The following KCNQ1 variants were observed in gnomAD, a reference collection of about 807,000 sequenced individuals.
KCNQ1 encodes the protein potassium voltage-gated channel subfamily Q member 1.
In KCNQ1, 49 loss-of-function variants were observed where a neutral mutation model predicts 72.4. The ratio of observed to expected loss-of-function variants is 0.68; its 90% CI spans 0.54 to 0.86. The LOEUF is 0.86. Ranked by LOEUF, KCNQ1 falls within the 40% of genes least tolerant of loss-of-function variation. The pLI is 0.00. For missense variants in KCNQ1, 790 were observed against 945.1 expected (o/e 0.84, Z 2.15); for synonymous variants, 450 against 412.6 (o/e 1.09, Z -1.10).
rs1015220373 is a variant in KCNQ1 at position 2,748,196 on chromosome 11, C to T, written c.1515-20648C>T. Among the ~76,000 whole-genome samples the T allele has an allele frequency of 1.3e-5, 2 of 152,164 alleles. No individual in the cohort carries two copies. The highest frequency in any genetic ancestry group is 1.9e-4 in the East Asian group (1 of 5,190). On this transcript the variant is annotated intron_variant, in intron 11 of 15. Transcript: ENST00000155840. This position sits in a 1 kb window ranked among gnomAD's most constrained non-coding sequence, Gnocchi z 6.2. ...ACCCCTACACAGACCCCCAGCTCTG[C>T]AGTCAGCCCTGTCTCCTTGTGTCCC...
chr11:2,829,333 A>T (rs570409761), intron 15 of KCNQ1, among the ~76,000 whole-genome samples: 1 of 152,224 alleles, frequency 6.6e-6, no homozygotes, highest in East Asian at 1.9e-4. Context: ...AATGAAGGTG[A>T]TAGACTGCCA....
At chr11:2,714,744 G>A (rs1053826227) in intron 11 of KCNQ1, among the ~76,000 whole-genome samples, 2 of 152,166 alleles carry the variant, frequency 1.3e-5, no homozygotes, top group Non-Finnish European at 2.9e-5. Flanking sequence ...GGCCGGGGTG[G>A]TAGGGGTAGG....
Position 2,642,574 on chromosome 11 carries a change from A to G in KCNQ1, c.1394-19387A>G. The G allele has an allele frequency of 2.5e-6, 1 of 397,610 alleles. No homozygotes were observed. The highest frequency in any genetic ancestry group is 4.4e-6 in the Non-Finnish European group (1 of 225,628). The allele number at this position is 397,610 out of a possible 1,614,324, so 24.6% of individuals were successfully genotyped here. On this transcript the variant is annotated intron_variant, in intron 10 of 15. Coordinates refer to ENST00000155840, the MANE Select transcript of KCNQ1 (RefSeq NM_000218.3). The surrounding 1 kb of genome is among the most constrained non-coding windows in gnomAD (Gnocchi z 4.3). Reference sequence around the variant, plus strand: ...TAGGTCTTCTCTCTTTTCTTCTTGGATAGTTTAGCCACTGGTTATTTTGTT... The same window carrying G: ...TAGGTCTTCTCTCTTTTCTTCTTGGGTAGTTTAGCCACTGGTTATTTTGTT...
chr11:2,565,353 G>A lies in KCNQ1; in HGVS notation c.478-5275G>A, dbSNP rs1278898327. 6.6e-6 allele frequency among the ~76,000 whole-genome samples: 1 copy of A among 152,132 alleles called. No homozygotes were observed. Among genetic ancestry groups the A allele is most frequent in the African/African-American group, 2.4e-5 (1 of 41,414 alleles). ...TGGCATCTCGTTGTGGTCTTGATTTGCATTTCCCTGATGATTAGTGACACT... is the reference window on the plus strand; with the variant it reads ...TGGCATCTCGTTGTGGTCTTGATTTACATTTCCCTGATGATTAGTGACACT... On this transcript the variant is annotated intron_variant, in intron 2 of 15. Coordinates refer to ENST00000155840, the MANE Select transcript of KCNQ1 (RefSeq NM_000218.3). This position sits in a 1 kb window ranked among gnomAD's most constrained non-coding sequence, Gnocchi z 5.6.
At chr11:2,561,726 C>T (rs1006592148) in intron 2 of KCNQ1, among the ~76,000 whole-genome samples, 5 of 152,232 alleles carry the variant, frequency 3.3e-5, no homozygotes, top group African/African-American at 7.2e-5. Context: ...CTCAGGGGGC[C>T]TGGCCAAGGT....
chr11:2,703,805 C>G lies in KCNQ1; in HGVS notation c.1514+41724C>G, dbSNP rs937446820. Among the ~76,000 whole-genome samples the G allele has an allele frequency of 3.9e-5, 6 of 152,212 alleles. No individual in the cohort carries two copies. The highest frequency in any genetic ancestry group is 8.8e-5 in the Non-Finnish European group (6 of 68,034). Reference sequence around the variant, plus strand: ...CTGTGGGCCTCAATTCTCTCCCTACCCTGCCCCCACCCTCGGAGTCTAAGG... The same window carrying G: ...CTGTGGGCCTCAATTCTCTCCCTACGCTGCCCCCACCCTCGGAGTCTAAGG... On this transcript the variant is annotated intron_variant, in intron 11 of 15. Coordinates refer to ENST00000155840, the MANE Select transcript of KCNQ1 (RefSeq NM_000218.3). This position sits in a 1 kb window ranked among gnomAD's most constrained non-coding sequence, Gnocchi z 6.4.
chr11:2,667,941 A>G (rs1276423465), intron 11 of KCNQ1: 9 of 398,616 alleles, frequency 2.3e-5, no homozygotes, highest in African/African-American at 4.1e-5. Flanking sequence ...ACCCGGAGGA[A>G]GCAACAGAAC....
In KCNQ1 at chr11:2,473,981, A is replaced by T. The variant is rs931383264; in HGVS notation, c.386+28497A>T. 2.6e-5 allele frequency among the ~76,000 whole-genome samples: 4 copies of T among 152,190 alleles called. No homozygotes were observed. Among genetic ancestry groups the T allele is most frequent in the African/African-American group, 9.6e-5 (4 of 41,458 alleles). On this transcript the variant is annotated intron_variant, in intron 1 of 15. Coordinates refer to ENST00000155840, the MANE Select transcript of KCNQ1 (RefSeq NM_000218.3). This position sits in a 1 kb window ranked among gnomAD's most constrained non-coding sequence, Gnocchi z 6.0. ...AACGGGGCACTGCAGGGCCCTTGGG[A>T]GGGAGGTAAGCGGGCAGCCGGGCCA...
At chr11:2,834,681 G>A (rs1437194766) in intron 15 of KCNQ1, among the ~76,000 whole-genome samples, 1 of 152,210 alleles carries the variant, frequency 6.6e-6, no homozygotes, top group East Asian at 1.9e-4. Flanking sequence ...CCCGCCAGGT[G>A]AAGGAACAAG....
chr11:2,585,157 C>A, intron 7 of KCNQ1, 55 bp from the exon 8 acceptor site: 1 of 1,482,788 alleles, frequency 6.7e-7, no homozygotes, highest in Non-Finnish European at 9.4e-7. Flanking sequence ...CCTGAGGCTG[C>A]ACCCAGCTGG....
At position 2,664,325 on chromosome 11, in the gene KCNQ1, G is replaced by A. The variant is rs929255493; in HGVS notation, c.1514+2244G>A. Reference sequence around the variant, plus strand: ...GTGTTCTGGTCAGGGAAGACTCAGGGCTGAGGCTTCAGGGGAGCTGGGTTC... The same window carrying A: ...GTGTTCTGGTCAGGGAAGACTCAGGACTGAGGCTTCAGGGGAGCTGGGTTC... On this transcript the variant is annotated intron_variant, in intron 11 of 15. Coordinates refer to ENST00000155840, the MANE Select transcript of KCNQ1 (RefSeq NM_000218.3). This position sits in a 1 kb window ranked among gnomAD's most constrained non-coding sequence, Gnocchi z 5.1. 3 of 398,804 alleles carry A rather than the reference G, an allele frequency of 7.5e-6. No individual in the cohort carries two copies. The highest frequency in any genetic ancestry group is 4.1e-5 in the African/African-American group (2 of 48,638). The allele number at this position is 398,804 out of a possible 1,614,324, so 24.7% of individuals were successfully genotyped here. A position where few individuals can be genotyped will look rare whatever the true frequency, so the allele number is the denominator to read the frequency against.
At chr11:2,490,321 C>G (rs1342720004) in intron 1 of KCNQ1, among the ~76,000 whole-genome samples, 1 of 152,258 alleles carries the variant, frequency 6.6e-6, no homozygotes, top group Non-Finnish European at 1.5e-5. Flanking sequence ...TGGATGGCAT[C>G]TCTGGACCCA....
rs1186479255 is a variant in KCNQ1, at chr11:2,827,682, T to A, written c.1795-20085T>A. Among the ~76,000 whole-genome samples, 3 of 151,384 alleles carry A rather than the reference T, an allele frequency of 2.0e-5. No homozygotes were observed. Among genetic ancestry groups the A allele is most frequent in the Non-Finnish European group, 4.4e-5 (3 of 67,904 alleles). ...AGCGGCTATGGAGACAAGTGGCTGTTTTGCCAGAGGGAAAATTCCACATGT... is the reference window on the plus strand; with the variant it reads ...AGCGGCTATGGAGACAAGTGGCTGTATTGCCAGAGGGAAAATTCCACATGT... On this transcript the variant is annotated intron_variant, in intron 15 of 15. Transcript: ENST00000155840. The surrounding 1 kb of genome is among the most constrained non-coding windows in gnomAD (Gnocchi z 6.7).
Position 2,497,096 on chromosome 11 carries a change from C to T in KCNQ1, c.387-30832C>T, listed in dbSNP as rs1192172926. Among the ~76,000 whole-genome samples the T allele has an allele frequency of 6.6e-6, 1 of 152,138 alleles. No homozygotes were observed. Among genetic ancestry groups the T allele is most frequent in the African/African-American group, 2.4e-5 (1 of 41,422 alleles). On this transcript the variant is annotated intron_variant, in intron 1 of 15. Transcript: ENST00000155840. This position sits in a 1 kb window ranked among gnomAD's most constrained non-coding sequence, Gnocchi z 4.5. ...GACCTTTCTCTCTGGCTGCCCTTAA[C>T]GTTTTGTCCTTCATTTAAACCTTGG...
intron 1 of KCNQ1, among the ~76,000 whole-genome samples, chr11:2,448,176 G>T (rs1015784944): frequency 7.9e-5 from 12 of 152,234 alleles, no homozygotes; most frequent in African/African-American, 2.7e-4. Context: ...GGACATCCAG[G>T]TGGCATCTAC....
At position 2,767,092 on chromosome 11, in the gene KCNQ1, C is replaced by T. The variant is rs560506491; in HGVS notation, c.1515-1752C>T. ...CTGAGGCAGAAAAATCACTTGAACC[C>T]GGGAGGCGGAGGCTGCAGTGAGCCG... On this transcript the variant is annotated intron_variant, in intron 11 of 15. Transcript: ENST00000155840. This position sits in a 1 kb window ranked among gnomAD's most constrained non-coding sequence, Gnocchi z 4.6. Among the ~76,000 whole-genome samples, 5 of 152,260 alleles carry T rather than the reference C, an allele frequency of 3.3e-5. No individual in the cohort carries two copies. The highest frequency in any genetic ancestry group is 7.2e-5 in the African/African-American group (3 of 41,562).
At chr11:2,513,653 G>A (rs1473686200) in intron 1 of KCNQ1, among the ~76,000 whole-genome samples, 1 of 152,194 alleles carries the variant, frequency 6.6e-6, no homozygotes, top group Non-Finnish European at 1.5e-5. Context: ...AGAGCCTGGG[G>A]GTGTCCCAGC....
In KCNQ1 at chr11:2,651,718, C is replaced by T. The variant is rs1055703734; in HGVS notation, c.1394-10243C>T. 5.0e-6 allele frequency: 2 copies of T among 398,482 alleles called. No homozygotes were observed. Among genetic ancestry groups the T allele is most frequent in the African/African-American group, 2.1e-5 (1 of 48,598 alleles). The allele number at this position is 398,482 out of a possible 1,614,324, so 24.7% of individuals were successfully genotyped here. A position where few individuals can be genotyped will look rare whatever the true frequency, so the allele number is the denominator to read the frequency against. On this transcript the variant is annotated intron_variant, in intron 10 of 15. Coordinates refer to ENST00000155840, the MANE Select transcript of KCNQ1 (RefSeq NM_000218.3). The surrounding 1 kb of genome is among the most constrained non-coding windows in gnomAD (Gnocchi z 6.1). ...AATAGGCCATTTCCTAAGTAAGCAT[C>T]ATCCTCATTTCTATACGTTTTCTCT...
In KCNQ1 at chr11:2,617,751, T is replaced by C. The variant is rs1448888335; in HGVS notation, c.1393+28897T>C. 2.5e-6 allele frequency: 1 copy of C among 398,436 alleles called. No homozygotes were observed. Among genetic ancestry groups the C allele is most frequent in the African/African-American group, 2.1e-5 (1 of 48,618 alleles). The allele number at this position is 398,436 out of a possible 1,614,324, so 24.7% of individuals were successfully genotyped here. On this transcript the variant is annotated intron_variant, in intron 10 of 15. Transcript: ENST00000155840. This position sits in a 1 kb window ranked among gnomAD's most constrained non-coding sequence, Gnocchi z 4.6. ...CTCATGAGTGTGAGGTGATATCGCA[T>C]AGTAATTTTGATTTGCATTTCCCTG... is the stretch of plus-strand genomic sequence containing the variant.
Sources: gnomAD v4.1 joint callset for allele counts (sites outside exome capture counted in the v4.1 genomes callset) on GRCh38, gnomAD v4.1.1 for gene constraint, Gnocchi (gnomAD v3.1) non-coding constraint, MANE v1.5 for transcripts, NCBI Gene and HGNC (gene_info 2026-07-23, HGNC 2026-07-21) for gene names.